The following SGCZ variants were observed in gnomAD, a reference collection of about 807,000 sequenced individuals.
SGCZ encodes zeta-sarcoglycan.
A neutral mutation model predicts 41.3 loss-of-function variants in SGCZ; 40 were observed. The ratio of observed to expected loss-of-function variants is 0.97; its 90% CI spans 0.75 to 1.26. The LOEUF (loss-of-function observed/expected upper bound fraction) is 1.26. Among genes scored for constraint, SGCZ ranks in the 50% most tolerant of loss-of-function variants. The pLI is 0.00. For synonymous variants in SGCZ, 206 were observed against 137.5 expected, an observed-to-expected ratio of 1.50 and a Z score of -3.49; for missense variants, 552 against 369.8, an observed-to-expected ratio of 1.49 and a Z score of -4.04.
At chr8:14,572,187 G>T (rs1209166381) in intron 1 of SGCZ, among the ~76,000 whole-genome samples, 1 of 152,028 alleles carries the variant, frequency 6.6e-6, no homozygotes, top group East Asian at 1.9e-4. Flanking sequence ...GTATTTTACT[G>T]CTCTCTACCA....
intron 5 of SGCZ, among the ~76,000 whole-genome samples, chr8:14,145,756 A>G (rs1271691716): frequency 6.6e-6 from 1 of 152,318 alleles, no homozygotes; most frequent in Non-Finnish European, 1.5e-5. Flanking sequence ...AAGAGATTGA[A>G]ATAATTAAAA....
At chr8:15,082,446 G>A (rs192349305) in intron 1 of SGCZ, among the ~76,000 whole-genome samples, 1 of 150,560 alleles carries the variant, frequency 6.6e-6, no homozygotes, top group African/African-American at 2.4e-5. Flanking sequence ...ATCTCTAAGT[G>A]TGTGTGTGTG....
intron 1 of SGCZ, among the ~76,000 whole-genome samples, chr8:14,756,714 A>G (rs1306190775): frequency 1.3e-5 from 2 of 152,222 alleles, no homozygotes; most frequent in Non-Finnish European, 2.9e-5. Context: ...GATAAAATAC[A>G]TATTTTGCAT....
intron 1 of SGCZ, among the ~76,000 whole-genome samples, chr8:14,881,388 G>A (rs530867556): frequency 1.3e-5 from 2 of 152,186 alleles, no homozygotes; most frequent in South Asian, 4.2e-4. Flanking sequence ...CCATGTCGGT[G>A]GTTGAATTCT....
intron 2 of SGCZ, among the ~76,000 whole-genome samples, chr8:14,491,635 G>A (rs547945704): frequency 6.6e-6 from 1 of 152,266 alleles, no homozygotes; most frequent in South Asian, 2.1e-4. Context: ...TTGCTTGCTT[G>A]TAGTATACAT....
chr8:15,133,959 C>A (rs1223380606), intron 1 of SGCZ, among the ~76,000 whole-genome samples: 1 of 151,972 alleles, frequency 6.6e-6, no homozygotes, highest in Non-Finnish European at 1.5e-5. Context: ...TTAATATTAT[C>A]AATGAAAGAA....
intron 4 of SGCZ, among the ~76,000 whole-genome samples, chr8:14,210,790 A>C (rs904600568): frequency 3.3e-5 from 5 of 152,182 alleles, no homozygotes; most frequent in African/African-American, 1.2e-4. Flanking sequence ...TTTATTTAAA[A>C]AAATATTTAT....
chr8:15,157,662 C>T (rs1263033753), intron 1 of SGCZ, among the ~76,000 whole-genome samples: 1 of 152,010 alleles, frequency 6.6e-6, no homozygotes, highest in Non-Finnish European at 1.5e-5. Context: ...TCTCTTCCTC[C>T]AAAACAACAC....
chr8:15,217,572 T>C (rs1028657586), intron 1 of SGCZ, among the ~76,000 whole-genome samples: 1 of 152,120 alleles, frequency 6.6e-6, no homozygotes, highest in Non-Finnish European at 1.5e-5. Flanking sequence ...ACCAAGATTC[T>C]TGCCCCCCCT....
chr8:14,616,071 C>T (rs957105794), intron 1 of SGCZ, among the ~76,000 whole-genome samples: 1 of 152,064 alleles, frequency 6.6e-6, no homozygotes, highest in Non-Finnish European at 1.5e-5. Context: ...ATCACGAGGT[C>T]AAGAGATCAA....
intron 1 of SGCZ, among the ~76,000 whole-genome samples, chr8:15,122,007 A>G (rs1807500198): frequency 6.6e-6 from 1 of 152,082 alleles, no homozygotes; most frequent in Non-Finnish European, 1.5e-5. Context: ...CATAAATGTA[A>G]TACAAAAATT....
chr8:14,185,600 C>T (rs1411681047), intron 4 of SGCZ, among the ~76,000 whole-genome samples: 1 of 152,130 alleles, frequency 6.6e-6, no homozygotes, highest in Non-Finnish European at 1.5e-5. Flanking sequence ...AAAAGCTCCT[C>T]TCATAGTACT....
intron 1 of SGCZ, among the ~76,000 whole-genome samples, chr8:14,832,578 G>C (rs995592922): frequency 1.7e-4 from 26 of 152,116 alleles, no homozygotes; most frequent in African/African-American, 6.0e-4. Context: ...ATACTTTGTA[G>C]AATTTAAGCA....
At chr8:14,706,223 G>C (rs1197323994) in intron 1 of SGCZ, among the ~76,000 whole-genome samples, 1 of 151,736 alleles carries the variant, frequency 6.6e-6, no homozygotes, top group East Asian at 1.9e-4. Context: ...AAAATTAGAT[G>C]AATCCACATC....
chr8:14,342,368 G>T (rs1253252619), intron 2 of SGCZ, among the ~76,000 whole-genome samples: 1 of 152,124 alleles, frequency 6.6e-6, no homozygotes, highest in Non-Finnish European at 1.5e-5. Context: ...CCAGGCTGGA[G>T]TGCACTGGCG....
At chr8:15,089,909 A>T (rs973808889) in intron 1 of SGCZ, among the ~76,000 whole-genome samples, 1 of 152,192 alleles carries the variant, frequency 6.6e-6, no homozygotes, top group East Asian at 1.9e-4. Flanking sequence ...AGAAAGAACA[A>T]TCAAGTATGT....
At chr8:15,001,824 T>A (rs980505769) in intron 1 of SGCZ, among the ~76,000 whole-genome samples, 1 of 151,882 alleles carries the variant, frequency 6.6e-6, no homozygotes, top group African/African-American at 2.4e-5. Flanking sequence ...GCCATTATTA[T>A]CTTCATTTTG....
At position 14,267,309 on chromosome 8, in the gene SGCZ, G is replaced by A. The variant is rs893087467; in HGVS notation, c.337-29630C>T. ...AGCTCAAAATGAATCTAAGATCAAT[G>A]AGCAAAATAACCCCACGGGAGGAAA... On this transcript the variant is annotated intron_variant, in intron 3 of 7. Coordinates refer to ENST00000382080, the MANE Select transcript of SGCZ (RefSeq NM_139167.4). 7.2e-5 allele frequency among the ~76,000 whole-genome samples: 11 copies of A among 152,064 alleles called. 1 individual carries two copies. The highest frequency in any genetic ancestry group is 2.6e-4 in the African/African-American group (11 of 41,516).
intron 1 of SGCZ, among the ~76,000 whole-genome samples, chr8:14,805,891 C>A (rs1488209918): frequency 2.0e-5 from 3 of 150,788 alleles, no homozygotes; most frequent in Middle Eastern, 3.4e-3. Flanking sequence ...TCTCAGACCA[C>A]AGTGCAATCA....
Sources: gnomAD v4.1 joint callset for allele counts (sites outside exome capture counted in the v4.1 genomes callset) on GRCh38, gnomAD v4.1.1 for gene constraint, MANE v1.5 for transcripts, NCBI Gene and HGNC (gene_info 2026-07-23, HGNC 2026-07-21) for gene names.